The following TBX6 variants were observed in gnomAD, a reference collection of about 807,000 sequenced individuals.
The protein encoded by TBX6 is T-box transcription factor TBX6.
A neutral mutation model predicts 42.3 loss-of-function variants in TBX6; 29 were observed. The ratio of observed to expected loss-of-function variants is 0.69; its 90% CI spans 0.51 to 0.93. The LOEUF is 0.93. Ranked by LOEUF, TBX6 falls within the 40% of genes least tolerant of loss-of-function variation. The pLI is 0.00. For synonymous variants in TBX6, 249 were observed against 245.1 expected, an observed-to-expected ratio of 1.02 and a Z score of -0.15; for missense variants, 569 against 603.3, an observed-to-expected ratio of 0.94 and a Z score of 0.59.
In TBX6 at chr16:30,086,231, C is replaced by A. The variant is rs774639423; in HGVS notation, c.1305G>T (p.Met435Ile). 2 of 1,611,552 alleles carry A rather than the reference C, an allele frequency of 1.2e-6. No individual in the cohort carries two copies. Among genetic ancestry groups the A allele is most frequent in the East Asian group, 2.2e-5 (1 of 44,840 alleles). The change falls in exon 9 of 9, where the codon ATG (methionine) becomes ATT (isoleucine). Residue 435 changes from methionine to isoleucine, a missense_variant. Coordinates refer to ENST00000395224, the MANE Select transcript of TBX6 (RefSeq NM_004608.4). This position sits in a 1 kb window ranked among gnomAD's most constrained non-coding sequence, Gnocchi z 4.6. ...GGYLDVGSKP[M>I]Y ...AGAGGGGCCCAGCAGTGGTTCAGTA[C>A]ATGGGTTTGGAGCCCACATCCAGAT...
Position 30,086,692 on chromosome 16 carries a change from G to C in TBX6, c.917C>G (p.Thr306Arg), listed in dbSNP as rs987511631. 2.5e-6 allele frequency: 4 copies of C among 1,612,598 alleles called. No individual in the cohort carries two copies. In the African/African-American group the frequency reaches 5.3e-5, roughly 22 times the overall value. ...GGTGGAGTCGCAGGGACCACCTGGT[G>C]TGTCTGGGGAGAGGGAAGGGAGAGG... The part of the protein sequence containing the change: ...AATEAYGSGD[T>R]PGGPCDSTLG... The change falls in exon 8 of 9, where the codon ACA becomes AGA. Residue 306 changes from threonine (T) to arginine (R), a missense_variant. Thr to Arg is a moderately conservative substitution (Grantham distance 71, BLOSUM62 -1). Coordinates refer to ENST00000395224, the MANE Select transcript of TBX6 (RefSeq NM_004608.4). This position sits in a 1 kb window ranked among gnomAD's most constrained non-coding sequence, Gnocchi z 4.6.
chr16:30,091,102 G>A lies in TBX6; in HGVS notation c.92C>T (p.Ala31Val). 6.3e-7 allele frequency: 1 copy of A among 1,585,412 alleles called. No homozygotes were observed. Among genetic ancestry groups the A allele is most frequent in the East Asian group, 2.3e-5 (1 of 43,974 alleles). Residue 31 changes from alanine (A) to valine (V), a missense_variant, in exon 2 of 9, where the codon GCC becomes GTC. Coordinates refer to ENST00000395224, the MANE Select transcript of TBX6 (RefSeq NM_004608.4). ...GGGGTAGCGGTAGCCCTCCGCTAGG[G>A]CGGGTGGGAAGCTGGAGTCGGCCCC... is the stretch of plus-strand genomic sequence containing the variant. The part of the protein sequence containing the change: ...QPGADSSFPP[A>V]LAEGYRYPEL...
At chr16:30,091,348 G>T (rs934183221) in intron 1 of TBX6, 107 bp from the exon 2 acceptor site, 9 of 660,928 alleles carry the variant, frequency 1.4e-5, no homozygotes, top group African/African-American at 3.7e-5. Flanking sequence ...GGAGACCCCT[G>T]GGGCCTCGAA....
chr16:30,086,841 C>T lies in TBX6; in HGVS notation c.850G>A (p.Ala284Thr), dbSNP rs773716540. 1.9e-5 allele frequency: 30 copies of T among 1,612,004 alleles called. No individual in the cohort carries two copies. The highest frequency in any genetic ancestry group is 2.3e-5 in the Non-Finnish European group (27 of 1,179,306). Reference sequence around the variant, plus strand: ...CCCCGCAGTTTCCTCTTCACACGGGCGTCTCGCTCCCTGGGGAACAGTGGT... The same window carrying T: ...CCCCGCAGTTTCCTCTTCACACGGGTGTCTCGCTCCCTGGGGAACAGTGGT... ...NGRNCKRERD[A>T]RVKRKLRGPE... The change falls in exon 7 of 9, where the codon GCC becomes ACC. Residue 284 changes from alanine (A) to threonine (T), a missense_variant. Coordinates refer to ENST00000395224, the MANE Select transcript of TBX6 (RefSeq NM_004608.4). This position sits in a 1 kb window ranked among gnomAD's most constrained non-coding sequence, Gnocchi z 4.6.
At chr16:30,089,759 GTC>G (rs1268401203) in intron 3 of TBX6, among the ~76,000 whole-genome samples, 1 of 151,976 alleles carries the variant, frequency 6.6e-6, no homozygotes, top group African/African-American at 2.4e-5. Context: ...GTGAAACACC[GTC>G]TCTACTAAAA....
chr16:30,089,168 G>T lies in TBX6; in HGVS notation c.396C>A (p.Asp132Glu). The T allele has an allele frequency of 6.2e-7, 1 of 1,614,040 alleles. No homozygotes were observed. Among genetic ancestry groups the T allele is most frequent in the Non-Finnish European group, 8.5e-7 (1 of 1,180,000 alleles). Residue 132 changes from aspartate (D) to glutamate (E), a missense_variant, in exon 4 of 9, where the codon GAC (aspartate) becomes GAA (glutamate). By Grantham distance (45) the Asp-to-Glu change is conservative (BLOSUM62 2). Coordinates refer to ENST00000395224, the MANE Select transcript of TBX6 (RefSeq NM_004608.4). The part of the protein sequence containing the change: ...PACRVSVTGL[D>E]PEARYLFLLD... The stretch of plus-strand genomic sequence containing the variant: ...GAAGAAACAAGTAGCGGGCCTCGGG[G>T]TCCAGGCCAGTGACTGACACTCGGC...
rs1186196202 is a variant in TBX6 at position 30,086,468 on chromosome 16, G to A, written c.1098-30C>T. On this transcript the variant is annotated intron_variant, in intron 8 of 8. Transcript: ENST00000395224. The surrounding 1 kb of genome is among the most constrained non-coding windows in gnomAD (Gnocchi z 4.6). The stretch of plus-strand genomic sequence containing the variant: ...CATGGAGAGAGGGATGTCAGAGCAG[G>A]GCAGAGGGACCCGCAGCCCCGCCTG... 6.7e-7 allele frequency: 1 copy of A among 1,490,912 alleles called. No homozygotes were observed. The allele number at this position is 1,490,912 out of a possible 1,614,324, so 92.4% of individuals were successfully genotyped here.
Position 30,089,065 on chromosome 16 carries a change from G to A in TBX6, c.499C>T (p.Arg167Cys), listed in dbSNP as rs760006939. The change falls in exon 4 of 9, where the codon CGC becomes TGC. Residue 167 changes from arginine to cysteine, a missense_variant. Arg to Cys is a radical substitution (Grantham distance 180). This residue lies in a region of TBX6 where 190 missense variants were observed against 250.6 expected (regional missense o/e 0.76). Coordinates refer to ENST00000395224, the MANE Select transcript of TBX6 (RefSeq NM_004608.4). ...TGAATGTAGACACGGTCAGGCAGGC[G>A]GGGCTCTGCCTTGCCGCTGGGCTCC... ...RWEPSGKAEP[R>C]LPDRVYIHPD... The A allele has an allele frequency of 7.4e-6, 12 of 1,613,738 alleles. No homozygotes were observed. The highest frequency in any genetic ancestry group is 5.0e-5 in the Admixed American group (3 of 60,008).
In TBX6 at chr16:30,086,735, C is replaced by G; in HGVS notation, c.914-40G>C. 1 of 1,613,150 alleles carries G rather than the reference C, an allele frequency of 6.2e-7. No homozygotes were observed. Among genetic ancestry groups the G allele is most frequent in the Non-Finnish European group, 8.5e-7 (1 of 1,179,538 alleles). Reference sequence around the variant, plus strand: ...GGGAGAGGTTGGGCTAGGGAGGATCCCTGTCTCAGGCCTGGCCCCATCGCC... The same window carrying G: ...GGGAGAGGTTGGGCTAGGGAGGATCGCTGTCTCAGGCCTGGCCCCATCGCC... On this transcript the variant is annotated intron_variant, in intron 7 of 8. Transcript: ENST00000395224. The surrounding 1 kb of genome is among the most constrained non-coding windows in gnomAD (Gnocchi z 4.6).
Position 30,086,488 on chromosome 16 carries a change from C to T in TBX6, c.1097+24G>A, listed in dbSNP as rs767928733. ...AGCAGGGCAGAGGGACCCGCAGCCC[C>T]GCCTGGTCCCCTGTCCCACTCACCT... On this transcript the variant is annotated intron_variant, in intron 8 of 8. Coordinates refer to ENST00000395224, the MANE Select transcript of TBX6 (RefSeq NM_004608.4). The surrounding 1 kb of genome is among the most constrained non-coding windows in gnomAD (Gnocchi z 4.6). The T allele has an allele frequency of 2.0e-5, 30 of 1,485,882 alleles. No homozygotes were observed. In the East Asian group the frequency reaches 4.9e-4, roughly 24 times the overall value. 92.0% of individuals were successfully genotyped at this position (1,485,882 alleles called of 1,614,324 possible).
In TBX6 at chr16:30,091,399, C is replaced by T. The variant is rs531622004; in HGVS notation, c.-48-158G>A. ...GTCGGATACCTGGGTACGGTCCCCT[C>T]CTCCCCTCCCTCCCCACCCCGGGAG... is the stretch of plus-strand genomic sequence containing the variant. On this transcript the variant is annotated intron_variant, in intron 1 of 8. Transcript: ENST00000395224. 7 of 512,534 alleles carry T rather than the reference C, an allele frequency of 1.4e-5. 1 individual carries two copies. In the South Asian group the frequency reaches 1.7e-4, roughly 12 times the overall value. 31.7% of individuals were successfully genotyped at this position (512,534 alleles called of 1,614,324 possible). A position where few individuals can be genotyped will look rare whatever the true frequency, so the allele number is the denominator to read the frequency against.
In TBX6 at chr16:30,086,168, G is replaced by T; in HGVS notation, c.*57C>A. 3 of 1,584,164 alleles carry T rather than the reference G, an allele frequency of 1.9e-6. No homozygotes were observed. Among genetic ancestry groups the T allele is most frequent in the South Asian group, 1.1e-5 (1 of 88,394 alleles). ...GGCCGGTGGAGGTGAGGGGGCTCCA[G>T]GGCTGGGGGAAGGGAGCGGGAGGTT... is the stretch of plus-strand genomic sequence containing the variant. On this transcript the variant is annotated 3_prime_UTR_variant, in exon 9 of 9. Coordinates refer to ENST00000395224, the MANE Select transcript of TBX6 (RefSeq NM_004608.4). This position sits in a 1 kb window ranked among gnomAD's most constrained non-coding sequence, Gnocchi z 4.6.
Position 30,086,432 on chromosome 16 carries a change from G to A in TBX6, c.1104C>T (p.Pro368=), listed in dbSNP as rs1264752591. The part of the protein sequence containing the change: ...GAPSHLPTRS[P]SFPEAPDSGR... ...CGGAGTCTGGAGCCTCCGGGAAGCT[G>A]GGGCTCCTGACATGGAGAGAGGGAT... is the stretch of plus-strand genomic sequence containing the variant. Residue 368 remains proline, a synonymous_variant, in exon 9 of 9, where the codon CCC becomes CCT. Transcript: ENST00000395224. This position sits in a 1 kb window ranked among gnomAD's most constrained non-coding sequence, Gnocchi z 4.6. The A allele has an allele frequency of 2.0e-6, 3 of 1,516,896 alleles. No homozygotes were observed. The East Asian group carries it at 7.2e-5, about 37-fold the overall frequency. 94.0% of individuals were successfully genotyped at this position (1,516,896 alleles called of 1,614,324 possible).
At position 30,088,841 on chromosome 16, in the gene TBX6, T is replaced by A. The variant is rs780739101; in HGVS notation, c.622-2A>T. 2.4e-5 allele frequency: 38 copies of A among 1,613,300 alleles called. No homozygotes were observed. The highest frequency in any genetic ancestry group is 8.5e-7 in the Non-Finnish European group (1 of 1,179,474). On this transcript the variant is annotated splice_acceptor_variant, in intron 4 of 8. Transcript: ENST00000395224. LOFTEE classifies it high-confidence loss of function. This position sits in a 1 kb window ranked among gnomAD's most constrained non-coding sequence, Gnocchi z 4.1. ...CTTGTGCATGGAGTGCAGGATCAGC[T>A]GGGAGGGAGGAAATGGGAGTGATTC...
Position 30,091,059 on chromosome 16 carries a change from C to T in TBX6, c.118+17G>A, listed in dbSNP as rs1442714304. On this transcript the variant is annotated intron_variant, in intron 2 of 8. Coordinates refer to ENST00000395224, the MANE Select transcript of TBX6 (RefSeq NM_004608.4). The stretch of plus-strand genomic sequence containing the variant: ...GCCCCCCTATTCTCCTACCCAGGAG[C>T]TGGTCCCAACGCTCACCGGGGTAGC... 6.3e-7 allele frequency: 1 copy of T among 1,587,342 alleles called. No individual in the cohort carries two copies. The highest frequency in any genetic ancestry group is 8.6e-7 in the Non-Finnish European group (1 of 1,167,022).
Position 30,088,873 on chromosome 16 carries a change from C to G in TBX6, c.622-34G>C. 1 of 1,608,736 alleles carries G rather than the reference C, an allele frequency of 6.2e-7. No individual in the cohort carries two copies. Among genetic ancestry groups the G allele is most frequent in the South Asian group, 1.1e-5 (1 of 90,806 alleles). ...GAGGAAATGGGAGTGATTCCCTGCC[C>G]TGCGCCTCACCCTTGGCCTCCCTTC... On this transcript the variant is annotated intron_variant, in intron 4 of 8. Transcript: ENST00000395224. This position sits in a 1 kb window ranked among gnomAD's most constrained non-coding sequence, Gnocchi z 4.1.
chr16:30,088,485 A>T lies in TBX6; in HGVS notation c.839+60T>A. The T allele has an allele frequency of 6.2e-7, 1 of 1,610,604 alleles. No homozygotes were observed. ...TGATGTCCAGCACGGTGCCTGGCAC[A>T]CAGTGAGTGATTAATAAACATTTGT... On this transcript the variant is annotated intron_variant, in intron 6 of 8. Coordinates refer to ENST00000395224, the MANE Select transcript of TBX6 (RefSeq NM_004608.4). The surrounding 1 kb of genome is among the most constrained non-coding windows in gnomAD (Gnocchi z 4.1).
intron 3 of TBX6, 110 bp from the exon 4 acceptor site, chr16:30,089,320 A>C (rs1312691919): frequency 2.8e-5 from 39 of 1,396,614 alleles, no homozygotes; most frequent in Non-Finnish European, 3.4e-5. Flanking sequence ...TCAGAGAAAC[A>C]TCAAAGGAGG....
In TBX6 at chr16:30,086,589, C is replaced by G. The variant is rs377659260; in HGVS notation, c.1020G>C (p.Leu340=). ...PGEATAAPAP[L]CGGPSAEAYL... is the part of the protein sequence containing the mutation. ...AGGCCTCAGCACTGGGGCCACCACA[C>G]AGAGGTGCCGGGGCAGCGGTGGCTT... The change falls in exon 8 of 9, where the codon CTG becomes CTC. Residue 340 remains leucine, a synonymous_variant. Coordinates refer to ENST00000395224, the MANE Select transcript of TBX6 (RefSeq NM_004608.4). This position sits in a 1 kb window ranked among gnomAD's most constrained non-coding sequence, Gnocchi z 4.6. 1 of 1,568,452 alleles carries G rather than the reference C, an allele frequency of 6.4e-7. No individual in the cohort carries two copies. The highest frequency in any genetic ancestry group is 2.3e-5 in the East Asian group (1 of 43,496).
Sources: allele counts gnomAD v4.1 joint callset (sites outside exome capture counted in the v4.1 genomes callset), GRCh38; gene constraint gnomAD v4.1.1; regional missense constraint gnomAD v4.1.1; non-coding constraint Gnocchi (gnomAD v3.1); transcripts MANE v1.5; gene names NCBI Gene and HGNC (gene_info 2026-07-23, HGNC 2026-07-21).